The following AMBRA1 variants were observed in gnomAD, a reference collection of about 807,000 sequenced individuals.
AMBRA1 encodes the protein activating molecule in BECN1-regulated autophagy protein 1.
Under a neutral mutation model 125.4 loss-of-function variants are expected in AMBRA1, and 47 were observed. The observed-to-expected ratio is 0.37, with a 90% CI of 0.30 to 0.48. AMBRA1 has a LOEUF of 0.48. AMBRA1 is among the 20% of genes least tolerant of loss of function. The pLI, the probability that AMBRA1 is intolerant of heterozygous loss-of-function variation, is 0.99. For synonymous variants in AMBRA1, 626 were observed against 655.5 expected (o/e 0.95, Z 0.69); for missense variants, 1,331 against 1,693.4 (o/e 0.79, Z 3.76).
At chr11:46,471,697 G>C (rs1042584111) in intron 11 of AMBRA1, among the ~76,000 whole-genome samples, 1 of 150,606 alleles carries the variant, frequency 6.6e-6, no homozygotes, top group Non-Finnish European at 1.5e-5. Flanking sequence ...GCGTGATCTC[G>C]GCACACTGCA....
chr11:46,464,757 C>T (rs1320048662), intron 11 of AMBRA1, among the ~76,000 whole-genome samples: 1 of 151,790 alleles, frequency 6.6e-6, no homozygotes, highest in Non-Finnish European at 1.5e-5. Context: ...TATTAAACAC[C>T]GAGACAAGGC....
intron 9 of AMBRA1, among the ~76,000 whole-genome samples, chr11:46,506,982 A>C (rs1408481522): frequency 6.9e-6 from 1 of 145,312 alleles, no homozygotes; most frequent in African/African-American, 2.6e-5. Context: ...TGGCTAACAA[A>C]GTGAAACCCC....
chr11:46,454,474 G>A (rs1434791480), intron 11 of AMBRA1, among the ~76,000 whole-genome samples: 2 of 150,150 alleles, frequency 1.3e-5, no homozygotes, highest in East Asian at 2.0e-4. Context: ...GGTGGCTCAC[G>A]CCTGTAATCC....
In AMBRA1 at chr11:46,410,778, C is replaced by T. The variant is rs1012523753; in HGVS notation, c.3117-410G>A. On this transcript the variant is annotated intron_variant, in intron 15 of 17. Coordinates refer to ENST00000683756, the MANE Select transcript of AMBRA1 (RefSeq NM_001387011.1). Reference sequence around the variant, plus strand: ...GGAGAGATACAGAGCCATGGACAGCCCTGCCCAATGGGCATGCCTAGTCTT... The same window carrying T: ...GGAGAGATACAGAGCCATGGACAGCTCTGCCCAATGGGCATGCCTAGTCTT... Among the ~76,000 whole-genome samples the T allele has an allele frequency of 1.3e-3, 196 of 152,338 alleles. 2 individuals carry two copies. Among genetic ancestry groups the T allele is most frequent in the Non-Finnish European group, 3.8e-4 (26 of 68,022 alleles).
intron 16 of AMBRA1, among the ~76,000 whole-genome samples, chr11:46,409,490 G>A (rs1424217494): frequency 1.3e-5 from 2 of 152,142 alleles, no homozygotes; most frequent in East Asian, 1.9e-4. Context: ...GAGCCACCGC[G>A]CCCATCCAGG....
At chr11:46,467,207 G>A (rs1949365719) in intron 11 of AMBRA1, among the ~76,000 whole-genome samples, 1 of 152,082 alleles carries the variant, frequency 6.6e-6, no homozygotes, top group Non-Finnish European at 1.5e-5. Context: ...GTGAGCCACT[G>A]CACTAGGCCT....
chr11:46,545,499 G>T, intron 5 of AMBRA1, 105 bp downstream of exon 5: 5 of 1,348,952 alleles, frequency 3.7e-6, no homozygotes, highest in Middle Eastern at 2.7e-4. Context: ...ATGACAACTT[G>T]CCCTGAGCAG....
chr11:46,526,104 C>G (rs1951959082), intron 7 of AMBRA1, among the ~76,000 whole-genome samples: 1 of 152,062 alleles, frequency 6.6e-6, no homozygotes, highest in Non-Finnish European at 1.5e-5. Flanking sequence ...ACTCCAGAGG[C>G]TGAGGCAGGA....
At chr11:46,432,905 C>T (rs746576739) in intron 14 of AMBRA1, among the ~76,000 whole-genome samples, 1 of 152,186 alleles carries the variant, frequency 6.6e-6, no homozygotes, top group African/African-American at 2.4e-5. Flanking sequence ...CAAAAGGCCA[C>T]GAACCACAGG....
chr11:46,495,348 T>C (rs1408312495), intron 9 of AMBRA1: 1 of 152,238 alleles, frequency 6.6e-6, no homozygotes, highest in African/African-American at 2.4e-5. Flanking sequence ...ACTTGGCTTT[T>C]AAGTGGACCA....
chr11:46,537,895 C>G (rs530166465), intron 7 of AMBRA1, among the ~76,000 whole-genome samples: 1 of 152,354 alleles, frequency 6.6e-6, no homozygotes, highest in South Asian at 2.1e-4. Context: ...ACTCCACTCA[C>G]TCAGGAACAA....
intron 12 of AMBRA1, among the ~76,000 whole-genome samples, chr11:46,437,872 C>G (rs1947804333): frequency 6.6e-6 from 1 of 152,090 alleles, no homozygotes; most frequent in Non-Finnish European, 1.5e-5. Flanking sequence ...GCTTACACAC[C>G]ATTAGAAGTC....
At chr11:46,518,396 C>G (rs936198764) in intron 7 of AMBRA1, 1 of 157,526 alleles carries the variant, frequency 6.3e-6, no homozygotes, top group African/African-American at 2.8e-5. Context: ...CGCCGCTGTA[C>G]TCCAGCCTAG....
intron 1 of AMBRA1, among the ~76,000 whole-genome samples, chr11:46,592,512 C>CT (rs1324070215): frequency 6.6e-6 from 1 of 152,238 alleles, no homozygotes; most frequent in East Asian, 1.9e-4. Context: ...AATTCCAGCA[C>CT]TTTGAGAGGC....
intron 11 of AMBRA1, among the ~76,000 whole-genome samples, chr11:46,488,944 T>C (rs924936085): frequency 3.3e-5 from 5 of 152,226 alleles, no homozygotes; most frequent in African/African-American, 1.2e-4. Context: ...AGTCTTGCTC[T>C]GTCGCCCAAG....
At chr11:46,525,363 G>A (rs373948026) in intron 7 of AMBRA1, among the ~76,000 whole-genome samples, 11 of 152,022 alleles carry the variant, frequency 7.2e-5, no homozygotes, top group East Asian at 5.8e-4. Context: ...AGGTCAAGGC[G>A]GGTGGATCAC....
chr11:46,571,162 T>C (rs1274885351), intron 1 of AMBRA1, among the ~76,000 whole-genome samples: 1 of 152,192 alleles, frequency 6.6e-6, no homozygotes, highest in East Asian at 1.9e-4. Flanking sequence ...AAATACCAAT[T>C]CTTATGCCTG....
chr11:46,403,697 G>C (rs1945869513), intron 17 of AMBRA1, among the ~76,000 whole-genome samples: 1 of 152,144 alleles, frequency 6.6e-6, no homozygotes, highest in South Asian at 2.1e-4. Context: ...ATGCAAAAAA[G>C]CTGACGCGTG....
chr11:46,469,575 T>C (rs1949485808), intron 11 of AMBRA1, among the ~76,000 whole-genome samples: 1 of 152,202 alleles, frequency 6.6e-6, no homozygotes, highest in Non-Finnish European at 1.5e-5. Context: ...ATATGTACAA[T>C]GAAAATACTA....
Sources: allele counts gnomAD v4.1 joint callset (sites outside exome capture counted in the v4.1 genomes callset), GRCh38; gene constraint gnomAD v4.1.1; transcripts MANE v1.5; gene names NCBI Gene and HGNC (gene_info 2026-07-23, HGNC 2026-07-21).